CNTNAP4: variants seen among roughly 807,000 people sequenced by gnomAD.
CNTNAP4 encodes contactin associated protein family member 4, also known as contactin-associated protein-like 4.
CNTNAP4 carries 98 observed loss-of-function variants against 148.4 expected under a neutral mutation model. The ratio of observed to expected loss-of-function variants is 0.66; its 90% CI spans 0.56 to 0.78. The LOEUF (loss-of-function observed/expected upper bound fraction) is 0.78. Among genes scored for constraint, CNTNAP4 ranks in the 30% least tolerant of loss-of-function variants. CNTNAP4 has a pLI of 0.00. For missense variants in CNTNAP4, 1,935 were observed against 1,565.6 expected (o/e 1.24, Z -3.98); for synonymous variants, 730 against 565.1 (o/e 1.29, Z -4.14).
At chr16:76,489,616 C>A in intron 12 of CNTNAP4, 70 bp from the exon 13 acceptor site, 1 of 838,088 alleles carries the variant, frequency 1.2e-6, no homozygotes, top group Non-Finnish European at 1.7e-6. Context: ...TTTTGATTTT[C>A]TTTATTTATT....
chr16:76,382,874 A>G lies in CNTNAP4; in HGVS notation c.390+27363A>G, dbSNP rs555036318. Among the ~76,000 whole-genome samples the G allele has an allele frequency of 5.9e-5, 9 of 152,320 alleles. No individual in the cohort carries two copies. In the South Asian group the frequency reaches 1.7e-3, roughly 28 times the overall value. ...ATACCAGAAAACAAGTATGTTGTCA[A>G]AGACTACTGGAGTGATGTCAAAAGG... is the stretch of plus-strand genomic sequence containing the variant. On this transcript the variant is annotated intron_variant, in intron 3 of 23. Coordinates refer to ENST00000611870, the MANE Select transcript of CNTNAP4 (RefSeq NM_033401.5).
intron 3 of CNTNAP4, among the ~76,000 whole-genome samples, chr16:76,420,035 A>G (rs778541117): frequency 1.3e-5 from 2 of 151,936 alleles, no homozygotes; most frequent in Non-Finnish European, 1.5e-5. Flanking sequence ...AATTTATTCT[A>G]TAGCACCATG....
At chr16:76,349,010 G>C (rs921535134) in intron 2 of CNTNAP4, among the ~76,000 whole-genome samples, 12 of 152,062 alleles carry the variant, frequency 7.9e-5, no homozygotes, top group Non-Finnish European at 1.2e-4. Flanking sequence ...TGCTAAAGCG[G>C]TGACCGTGAG....
rs141170264 is a variant in CNTNAP4, at chr16:76,529,834, G to A, written c.2756-5711G>A. Among the ~76,000 whole-genome samples, 794 of 133,562 alleles carry A rather than the reference G, an allele frequency of 5.9e-3. 4 individuals are homozygous for A. Among genetic ancestry groups the A allele is most frequent in the African/African-American group, 0.019 (661 of 35,450 alleles). The allele number at this position is 133,562 out of a possible 152,430, so 87.6% of individuals were successfully genotyped here. ...ATTGAAGCTCTGAGACTGTAGTGAT[G>A]AATCTCAGCTGTGTGTGTGTGTGTG... On this transcript the variant is annotated intron_variant, in intron 17 of 23. Coordinates refer to ENST00000611870, the MANE Select transcript of CNTNAP4 (RefSeq NM_033401.5).
chr16:76,461,339 T>C (rs1300856942), intron 8 of CNTNAP4, among the ~76,000 whole-genome samples: 1 of 152,168 alleles, frequency 6.6e-6, no homozygotes, highest in Non-Finnish European at 1.5e-5. Flanking sequence ...TGTCCTGAAA[T>C]GACTGAAAAC....
chr16:76,365,110 A>G (rs1368493179), intron 3 of CNTNAP4, among the ~76,000 whole-genome samples: 1 of 152,150 alleles, frequency 6.6e-6, no homozygotes, highest in East Asian at 1.9e-4. Flanking sequence ...CAGTTTTCCC[A>G]ACACCATTTA....
At chr16:76,537,240 G>A (rs180726832) in intron 18 of CNTNAP4, among the ~76,000 whole-genome samples, 44 of 152,038 alleles carry the variant, frequency 2.9e-4, no homozygotes, top group Non-Finnish European at 6.0e-4. Context: ...TATAAAATGC[G>A]TGTTATAGAT....
chr16:76,348,454 AAAG>A (rs756507687), intron 2 of CNTNAP4, among the ~76,000 whole-genome samples: 4 of 152,114 alleles, frequency 2.6e-5, no homozygotes, highest in Non-Finnish European at 4.4e-5. Context: ...TGCAGAGAGA[AAAG>A]AAGGAGAGCA....
chr16:76,344,440 T>C (rs947490447), intron 2 of CNTNAP4, among the ~76,000 whole-genome samples: 3 of 152,222 alleles, frequency 2.0e-5, no homozygotes, highest in African/African-American at 7.2e-5. Context: ...AATATGTAAA[T>C]GTATTAGCAG....
intron 2 of CNTNAP4, among the ~76,000 whole-genome samples, chr16:76,318,730 ATTT>A (rs778831443): frequency 1.4e-5 from 2 of 148,006 alleles, no homozygotes; most frequent in African/African-American, 4.9e-5. Context: ...TAAATTAATT[ATTT>A]TTATTAATAA....
intron 8 of CNTNAP4, among the ~76,000 whole-genome samples, chr16:76,456,790 T>C (rs900999936): frequency 1.3e-5 from 2 of 152,210 alleles, no homozygotes; most frequent in African/African-American, 4.8e-5. Context: ...GGCAGACACC[T>C]GTCTTGCAGA....
At chr16:76,539,982 C>T in intron 20 of CNTNAP4, 130 bp downstream of exon 20, 1 of 639,112 alleles carries the variant, frequency 1.6e-6, no homozygotes, top group Non-Finnish European at 2.6e-6. Context: ...AGATAATAGA[C>T]CTCAAATGTA....
chr16:76,378,867 G>C (rs1401250503), intron 3 of CNTNAP4, among the ~76,000 whole-genome samples: 1 of 152,186 alleles, frequency 6.6e-6, no homozygotes, highest in Non-Finnish European at 1.5e-5. Flanking sequence ...GTTCAGGTTT[G>C]CGGAACAGGA....
intron 2 of CNTNAP4, among the ~76,000 whole-genome samples, chr16:76,320,774 T>C (rs1962322333): frequency 6.6e-6 from 1 of 152,168 alleles, no homozygotes; most frequent in South Asian, 2.1e-4. Flanking sequence ...TTTATAGTGT[T>C]ATAATCTGAA....
intron 2 of CNTNAP4, among the ~76,000 whole-genome samples, chr16:76,335,669 G>A (rs1331872031): frequency 6.6e-6 from 1 of 152,164 alleles, no homozygotes; most frequent in East Asian, 1.9e-4. Context: ...TACGAGCTTG[G>A]AGAAAAGACT....
At chr16:76,498,519 G>A (rs762622801) in intron 14 of CNTNAP4, 48 bp from the exon 15 acceptor site, 2 of 1,562,804 alleles carry the variant, frequency 1.3e-6, no homozygotes, top group Non-Finnish European at 8.7e-7. Flanking sequence ...AATGCAATAA[G>A]GACTATTAAA....
intron 3 of CNTNAP4, among the ~76,000 whole-genome samples, chr16:76,424,355 T>TGTTAGTCTG (rs1254168506): frequency 6.6e-6 from 1 of 152,154 alleles, no homozygotes; most frequent in Non-Finnish European, 1.5e-5. Flanking sequence ...TTAGGGATTG[T>TGTTAGTCTG]GTTAGTCTGC....
chr16:76,458,167 T>C (rs1357958408), intron 8 of CNTNAP4, among the ~76,000 whole-genome samples: 1 of 152,218 alleles, frequency 6.6e-6, no homozygotes, highest in African/African-American at 2.4e-5. Context: ...GTGATGTATA[T>C]GTGCCACATT....
intron 2 of CNTNAP4, among the ~76,000 whole-genome samples, chr16:76,339,798 G>GT (rs1310025182): frequency 6.6e-6 from 1 of 152,164 alleles, no homozygotes; most frequent in African/African-American, 2.4e-5. Flanking sequence ...ACAAGTTTTG[G>GT]TAAAAGTTCC....
Sources: allele counts gnomAD v4.1 joint callset (sites outside exome capture counted in the v4.1 genomes callset), GRCh38; gene constraint gnomAD v4.1.1; transcripts MANE v1.5; gene names NCBI Gene and HGNC (gene_info 2026-07-23, HGNC 2026-07-21).